MAP3K14: variants seen among roughly 807,000 people sequenced by gnomAD.
MAP3K14 encodes the protein NF-kappa-beta-inducing kinase.
In MAP3K14, 16 loss-of-function variants were observed where a neutral mutation model predicts 99.2. The observed-to-expected ratio is 0.16, with a 90% CI of 0.11 to 0.24. MAP3K14 has a LOEUF of 0.24. MAP3K14 is among the 10% of genes least tolerant of loss of function. MAP3K14 has a pLI of 1.00. For synonymous variants in MAP3K14, 462 were observed against 492.4 expected, an observed-to-expected ratio of 0.94 and a Z score of 0.82; for missense variants, 784 against 1,208.7, an observed-to-expected ratio of 0.65 and a Z score of 5.21.
At chr17:45,270,355 TCCTCTGTCCA>T in intron 11 of MAP3K14, 48 bp downstream of exon 11, 1 of 1,566,932 alleles carries the variant, frequency 6.4e-7, no homozygotes, top group Non-Finnish European at 8.6e-7. Flanking sequence ...CCCACCTGCC[TCCTCTGTCCA>T]CCTCTGTCTT....
At chr17:45,279,820 G>C (rs1223563483) in intron 6 of MAP3K14, among the ~76,000 whole-genome samples, 1 of 152,212 alleles carries the variant, frequency 6.6e-6, no homozygotes, top group Non-Finnish European at 1.5e-5. Context: ...TGTAAACTAT[G>C]TGAAAGGGGC....
chr17:45,306,287 T>C lies in MAP3K14; in HGVS notation c.-21+10673A>G, dbSNP rs2143864660. On this transcript the variant is annotated intron_variant, in intron 1 of 15. Transcript: ENST00000344686. ...CAAGAGACTTTTATGTCAAAGCCCA[T>C]ACTCTTAACCATGACACTCTTCCTA... Among the ~76,000 whole-genome samples the C allele has an allele frequency of 1.3e-5, 2 of 151,910 alleles. 1 individual carries two copies. Among genetic ancestry groups the C allele is most frequent in the Middle Eastern group, 6.8e-3 (2 of 294 alleles).
rs564343681 is a variant in MAP3K14 at position 45,270,923 on chromosome 17, G to T, written c.1821+135C>A. ...CCCCAGATTTGGGTGGCAAGTATTT[G>T]AATTAGGATCCCACATGGATGACCA... On this transcript the variant is annotated intron_variant, in intron 10 of 15. Transcript: ENST00000344686. 7.9e-6 allele frequency: 10 copies of T among 1,261,026 alleles called. No homozygotes were observed. The Admixed American group carries it at 2.1e-4, about 27-fold the overall frequency. 78.1% of individuals were successfully genotyped at this position (1,261,026 alleles called of 1,614,324 possible). A position where few individuals can be genotyped will look rare whatever the true frequency, so the allele number is the denominator to read the frequency against.
intron 8 of MAP3K14, 178 bp from the exon 9 acceptor site, chr17:45,273,785 G>C: frequency 1.5e-6 from 1 of 689,278 alleles, no homozygotes; most frequent in East Asian, 2.7e-5. Flanking sequence ...ATCAATTCAG[G>C]CTAGAGGTAG....
chr17:45,316,211 T>C (rs2044530988), intron 1 of MAP3K14, among the ~76,000 whole-genome samples: 1 of 152,222 alleles, frequency 6.6e-6, no homozygotes, highest in Non-Finnish European at 1.5e-5. Flanking sequence ...GGAAACACTT[T>C]TTCTGAAGCT....
At chr17:45,279,615 G>A (rs1598250461) in intron 6 of MAP3K14, among the ~76,000 whole-genome samples, 1 of 151,742 alleles carries the variant, frequency 6.6e-6, no homozygotes. Context: ...AGTAGATACG[G>A]GGTTTCACTG....
chr17:45,292,826 G>A (rs1368327635), intron 1 of MAP3K14, among the ~76,000 whole-genome samples: 1 of 152,198 alleles, frequency 6.6e-6, no homozygotes, highest in Non-Finnish European at 1.5e-5. Flanking sequence ...AGCTCGATGT[G>A]AGCGTGACCT....
At chr17:45,270,389 C>G (rs746064171) in intron 11 of MAP3K14, 24 bp downstream of exon 11, 4 of 1,603,742 alleles carry the variant, frequency 2.5e-6, no homozygotes, top group Non-Finnish European at 3.4e-6. Flanking sequence ...CCCCCCGGGT[C>G]AGCCAGCGTG....
At chr17:45,269,352 C>T (rs923172082) in intron 11 of MAP3K14, among the ~76,000 whole-genome samples, 2 of 152,068 alleles carry the variant, frequency 1.3e-5, no homozygotes, top group African/African-American at 4.8e-5. Flanking sequence ...TGAGTTTGAG[C>T]CCCCTCTATA....
chr17:45,299,620 C>T (rs996171584), intron 1 of MAP3K14, among the ~76,000 whole-genome samples: 1 of 152,128 alleles, frequency 6.6e-6, no homozygotes, highest in Non-Finnish European at 1.5e-5. Context: ...GTGAGTGAAA[C>T]GCAGCTGGAG....
intron 1 of MAP3K14, among the ~76,000 whole-genome samples, chr17:45,309,908 A>G (rs964449734): frequency 4.6e-5 from 7 of 152,066 alleles, no homozygotes; most frequent in Non-Finnish European, 8.8e-5. Context: ...TGTCCTTCAC[A>G]TTGATCTATA....
At chr17:45,312,295 AAG>A (rs1377909739) in intron 1 of MAP3K14, among the ~76,000 whole-genome samples, 4 of 152,204 alleles carry the variant, frequency 2.6e-5, no homozygotes, top group African/African-American at 7.2e-5. Context: ...CTCCAGCCTG[AAG>A]TCAAGTGCAG....
intron 1 of MAP3K14, among the ~76,000 whole-genome samples, chr17:45,312,671 A>G (rs2044491229): frequency 6.6e-6 from 1 of 152,150 alleles, no homozygotes; most frequent in Non-Finnish European, 1.5e-5. Flanking sequence ...CCTCTCAAGT[A>G]GCTGGGACTA....
chr17:45,273,481 G>A (rs777668854), intron 9 of MAP3K14, 22 bp downstream of exon 9: 11 of 1,572,034 alleles, frequency 7.0e-6, no homozygotes, highest in Middle Eastern at 1.7e-4. Context: ...TGGGGGGCAC[G>A]GCAGTTGGTG....
Position 45,270,518 on chromosome 17 carries a change from C to G in MAP3K14, c.1867G>C (p.Ala623Pro). 6.3e-7 allele frequency: 1 copy of G among 1,586,572 alleles called. No individual in the cohort carries two copies. Among genetic ancestry groups the G allele is most frequent in the Non-Finnish European group, 8.6e-7 (1 of 1,168,274 alleles). The change falls in exon 11 of 16, where the codon GCC becomes CCC. Residue 623 changes from alanine (A) to proline (P), a missense_variant. Coordinates refer to ENST00000344686, the MANE Select transcript of MAP3K14 (RefSeq NM_003954.5). ...TGGATGGCCTGGGCTGTGAGAGGGGCGCAGGAGGGTGGGATCTCCCTCACA... is the reference window on the plus strand; with the variant it reads ...TGGATGGCCTGGGCTGTGAGAGGGGGGCAGGAGGGTGGGATCTCCCTCACA... ...PPVREIPPSC[A>P]PLTAQAIQEG... is the part of the protein sequence containing the mutation.
intron 11 of MAP3K14, among the ~76,000 whole-genome samples, chr17:45,269,017 CTTTA>C (rs767080984): frequency 2.0e-5 from 3 of 151,968 alleles, no homozygotes; most frequent in Non-Finnish European, 4.4e-5. Context: ...TGTTACCTGG[CTTTA>C]TTTATTTATT....
Position 45,264,757 on chromosome 17 carries a change from G to C in MAP3K14, c.2723C>G (p.Pro908Arg). The change falls in exon 16 of 16, where the codon CCT becomes CGT. Residue 908 changes from proline (P) to arginine (R), a missense_variant. Physicochemically the swap from Pro to Arg is moderately radical, Grantham distance 103. Around this residue, in one of 5 missense-constraint regions of MAP3K14, gnomAD observed 130 missense variants for 220.4 expected, o/e 0.59. Transcript: ENST00000344686. ...TGGCACCTCCATGTCGTAGCGAACA[G>C]GCTGCCCGTCTTTGGTGACCAAGCT... ...AFSLVTKDGQ[P>R]VRYDMEVPDS... is the part of the protein sequence containing the mutation. 1 of 1,613,530 alleles carries C rather than the reference G, an allele frequency of 6.2e-7. No individual in the cohort carries two copies. The highest frequency in any genetic ancestry group is 1.1e-5 in the South Asian group (1 of 90,946).
At chr17:45,289,968 G>A (rs761802002) in intron 2 of MAP3K14, among the ~76,000 whole-genome samples, 3 of 152,208 alleles carry the variant, frequency 2.0e-5, no homozygotes, top group Non-Finnish European at 2.9e-5. Context: ...GTCATCATAA[G>A]GTATCATGAG....
At chr17:45,277,334 A>G (rs2044188700) in intron 6 of MAP3K14, among the ~76,000 whole-genome samples, 1 of 151,872 alleles carries the variant, frequency 6.6e-6, no homozygotes, top group African/African-American at 2.4e-5. Context: ...CCTCCTTCCT[A>G]GCTGCTGATG....
Sources: gnomAD v4.1 joint callset for allele counts (sites outside exome capture counted in the v4.1 genomes callset) on GRCh38, gnomAD v4.1.1 for gene constraint, gnomAD v4.1.1 regional missense constraint, MANE v1.5 for transcripts, NCBI Gene and HGNC (gene_info 2026-07-23, HGNC 2026-07-21) for gene names.